Variants in AK8 observed in about 807,000 individuals in gnomAD.
The protein encoded by AK8 is ATP-AMP transphosphorylase 8.
A neutral mutation model predicts 54.6 loss-of-function variants in AK8; 44 were observed. That is an observed-to-expected ratio of 0.81 (90% CI 0.63 to 1.04). The LOEUF (loss-of-function observed/expected upper bound fraction) is 1.04, where lower values mean the gene tolerates loss of function less well. Among genes scored for constraint, AK8 ranks in the 50% least tolerant of loss-of-function variants. AK8 has a pLI of 0.00. For synonymous variants in AK8, 239 were observed against 245.6 expected, an observed-to-expected ratio of 0.97 and a Z score of 0.25; for missense variants, 555 against 613.6, an observed-to-expected ratio of 0.90 and a Z score of 1.01.
chr9:132,801,635 GAAGA>G (rs1840463414), intron 10 of AK8, among the ~76,000 whole-genome samples: 1 of 152,232 alleles, frequency 6.6e-6, no homozygotes, highest in African/African-American at 2.4e-5. Context: ...AAATCTGGGA[GAAGA>G]AAGTCAGCAG....
chr9:132,863,253 G>A (rs1843458597), intron 4 of AK8, among the ~76,000 whole-genome samples: 1 of 152,236 alleles, frequency 6.6e-6, no homozygotes, highest in African/African-American at 2.4e-5. Flanking sequence ...CCACTCTGGG[G>A]ACAGCTGGAC....
At chr9:132,816,239 A>T (rs1217139738) in intron 9 of AK8, among the ~76,000 whole-genome samples, 1 of 152,084 alleles carries the variant, frequency 6.6e-6, no homozygotes, top group Non-Finnish European at 1.5e-5. Context: ...CTGTAATCCC[A>T]GCTACTTGGG....
intron 10 of AK8, among the ~76,000 whole-genome samples, chr9:132,800,612 T>G (rs770672064): frequency 2.0e-5 from 3 of 152,196 alleles, no homozygotes; most frequent in Non-Finnish European, 4.4e-5. Context: ...CTTTCTACTC[T>G]AATATCTCTA....
At chr9:132,735,621 G>A (rs1837065627) in intron 11 of AK8, among the ~76,000 whole-genome samples, 1 of 152,148 alleles carries the variant, frequency 6.6e-6, no homozygotes, top group South Asian at 2.1e-4. Flanking sequence ...GCACATTGCT[G>A]CTGGAAATAT....
chr9:132,878,679 G>T, upstream of AK8: 5 of 994,626 alleles, frequency 5.0e-6, no homozygotes, highest in Non-Finnish European at 6.0e-6. This position sits in a 1 kb window ranked among gnomAD's most constrained non-coding sequence, Gnocchi z 4.7. Context: ...GAATAAATGT[G>T]GGGGAGGGTG....
rs186847714 is a variant in AK8, at chr9:132,844,223, G to C, written c.402+10634C>G. ...CTCCTTTTGATCGTTCCAATACAGAGTGCTAATTTTTCTTTCTCTAATGCA... is the reference window on the plus strand; with the variant it reads ...CTCCTTTTGATCGTTCCAATACAGACTGCTAATTTTTCTTTCTCTAATGCA... On this transcript the variant is annotated intron_variant, in intron 5 of 12. Transcript: ENST00000298545. 2.8e-5 allele frequency among the ~76,000 whole-genome samples: 4 copies of C among 143,946 alleles called. No individual in the cohort carries two copies. The Admixed American group carries it at 2.9e-4, about 10-fold the overall frequency. The allele number at this position is 143,946 out of a possible 152,430, so 94.4% of individuals were successfully genotyped here. A position where few individuals can be genotyped will look rare whatever the true frequency, so the allele number is the denominator to read the frequency against.
At chr9:132,737,983 G>A (rs1014649945) in intron 11 of AK8, among the ~76,000 whole-genome samples, 1 of 152,146 alleles carries the variant, frequency 6.6e-6, no homozygotes, top group Non-Finnish European at 1.5e-5. Context: ...CCTTGTGGGC[G>A]CTGAGTCCTT....
At chr9:132,838,797 C>A (rs961154557) in intron 5 of AK8, among the ~76,000 whole-genome samples, 7 of 152,126 alleles carry the variant, frequency 4.6e-5, no homozygotes, top group Non-Finnish European at 1.0e-4. Flanking sequence ...TGCTGGTGCA[C>A]AGCAGGTGCC....
At chr9:132,762,506 CA>C (rs1201483578) in intron 11 of AK8, among the ~76,000 whole-genome samples, 1 of 152,112 alleles carries the variant, frequency 6.6e-6, no homozygotes, top group Non-Finnish European at 1.5e-5. Flanking sequence ...CTCCCTTCCA[CA>C]AAGACGGCCA....
intron 10 of AK8, among the ~76,000 whole-genome samples, chr9:132,793,959 G>A (rs1840046552): frequency 6.6e-6 from 1 of 152,152 alleles, no homozygotes; most frequent in Non-Finnish European, 1.5e-5. Context: ...GCACACATTT[G>A]AAACCTTCCA....
In AK8 at chr9:132,814,740, G is replaced by A. The variant is rs1433896565; in HGVS notation, c.890-13C>T. 2 of 1,610,138 alleles carry A rather than the reference G, an allele frequency of 1.2e-6. No individual in the cohort carries two copies. Among genetic ancestry groups the A allele is most frequent in the Non-Finnish European group, 1.7e-6 (2 of 1,177,936 alleles). The stretch of plus-strand genomic sequence containing the variant: ...TGCCCACAGCAGACTGAAGGAGAGG[G>A]GAACAGAAAGACACCCATTAAATTT... On this transcript the variant is annotated splice_polypyrimidine_tract_variant and intron_variant, in intron 9 of 12. Coordinates refer to ENST00000298545, the MANE Select transcript of AK8 (RefSeq NM_152572.3).
At chr9:132,730,531 C>T (rs1836790377) in intron 11 of AK8, among the ~76,000 whole-genome samples, 1 of 149,968 alleles carries the variant, frequency 6.7e-6, no homozygotes, top group Admixed American at 6.7e-5. Flanking sequence ...GGATCTTAGA[C>T]ATGTAATTCC....
At chr9:132,824,308 C>T (rs1172682195) in intron 8 of AK8, among the ~76,000 whole-genome samples, 1 of 152,242 alleles carries the variant, frequency 6.6e-6, no homozygotes, top group Non-Finnish European at 1.5e-5. Context: ...AGACCTTCCC[C>T]CTCCTGCCAA....
chr9:132,844,378 C>T (rs982757281), intron 5 of AK8, among the ~76,000 whole-genome samples: 5 of 151,206 alleles, frequency 3.3e-5, no homozygotes, highest in East Asian at 1.9e-4. Flanking sequence ...GTTATGATTG[C>T]GTTATTTTTC....
At chr9:132,864,138 T>A (rs1414127954) in intron 3 of AK8, among the ~76,000 whole-genome samples, 1 of 152,134 alleles carries the variant, frequency 6.6e-6, no homozygotes, top group Non-Finnish European at 1.5e-5. Flanking sequence ...TAAGGATGGG[T>A]AACAGCCCAC....
At chr9:132,822,876 G>C (rs1212099768) in intron 9 of AK8, among the ~76,000 whole-genome samples, 1 of 152,054 alleles carries the variant, frequency 6.6e-6, no homozygotes, top group African/African-American at 2.4e-5. Flanking sequence ...AGATGGCAGG[G>C]GTGAGATGGG....
At chr9:132,742,224 G>A (rs1837426801) in intron 11 of AK8, among the ~76,000 whole-genome samples, 2 of 150,736 alleles carry the variant, frequency 1.3e-5, no homozygotes, top group South Asian at 4.2e-4. Context: ...GCTCAGGCTG[G>A]AGTGTAATGA....
intron 5 of AK8, among the ~76,000 whole-genome samples, chr9:132,835,801 A>G (rs567816031): frequency 6.6e-6 from 1 of 152,290 alleles, no homozygotes; most frequent in East Asian, 1.9e-4. Flanking sequence ...CAGCCTGGAC[A>G]ACACAGCGAG....
chr9:132,878,319 C>A, upstream of AK8: 1 of 1,313,592 alleles, frequency 7.6e-7, no homozygotes, highest in Non-Finnish European at 9.8e-7. This position sits in a 1 kb window ranked among gnomAD's most constrained non-coding sequence, Gnocchi z 4.7. Context: ...CCGACTGCGT[C>A]ATCAGCACGC....
Sources: allele counts gnomAD v4.1 joint callset (sites outside exome capture counted in the v4.1 genomes callset), GRCh38; gene constraint gnomAD v4.1.1; non-coding constraint Gnocchi (gnomAD v3.1); transcripts MANE v1.5; gene names NCBI Gene and HGNC (gene_info 2026-07-23, HGNC 2026-07-21).